CREB5: variants seen among roughly 807,000 people sequenced by gnomAD.
The protein encoded by CREB5 is cyclic AMP-responsive element-binding protein 5.
A neutral mutation model predicts 57.1 loss-of-function variants in CREB5; 19 were observed. The ratio of observed to expected loss-of-function variants is 0.33; its 90% CI spans 0.23 to 0.49. The LOEUF (loss-of-function observed/expected upper bound fraction) is 0.49. CREB5 is among the 20% of genes least tolerant of loss of function. The probability of loss-of-function intolerance (pLI) is 0.99; values close to 1 mark genes in which losing one functional copy is unlikely to be tolerated. For missense variants in CREB5, 579 were observed against 671.6 expected (o/e 0.86, Z 1.52); for synonymous variants, 238 against 238.3 (o/e 1.00, Z 0.01).
intron 4 of CREB5, 134 bp downstream of exon 4, chr7:28,507,871 T>A: frequency 9.0e-7 from 1 of 1,110,194 alleles, no homozygotes; most frequent in Non-Finnish European, 1.2e-6. Flanking sequence ...ATTTGTCTAA[T>A]TTTTTTTAAA....
chr7:28,638,695 G>T (rs1405050423), intron 5 of CREB5, among the ~76,000 whole-genome samples: 2 of 152,136 alleles, frequency 1.3e-5, no homozygotes, highest in Non-Finnish European at 2.9e-5. Context: ...CAATACAATT[G>T]ATATTATTAT....
chr7:28,397,743 T>C (rs1195462381), intron 1 of CREB5, among the ~76,000 whole-genome samples: 1 of 152,160 alleles, frequency 6.6e-6, no homozygotes, highest in African/African-American at 2.4e-5. Flanking sequence ...CTAAACGTGA[T>C]GACTATGAAC....
At chr7:28,445,761 C>G (rs771892757) in intron 1 of CREB5, among the ~76,000 whole-genome samples, 7 of 151,698 alleles carry the variant, frequency 4.6e-5, no homozygotes, top group Non-Finnish European at 7.4e-5. Context: ...CTGTGTTAGC[C>G]AGGATGATCT....
chr7:28,537,204 A>G (rs769325551), intron 4 of CREB5, among the ~76,000 whole-genome samples: 1 of 152,236 alleles, frequency 6.6e-6, no homozygotes, highest in Non-Finnish European at 1.5e-5. Context: ...TTTGAGAAAT[A>G]TGACATGATG....
At chr7:28,675,438 C>T (rs1221590388) in intron 5 of CREB5, among the ~76,000 whole-genome samples, 1 of 152,064 alleles carries the variant, frequency 6.6e-6, no homozygotes, top group Non-Finnish European at 1.5e-5. Context: ...CCTGCGTTAT[C>T]AGTATATGAA....
At chr7:28,757,702 A>C (rs1027440729) in intron 7 of CREB5, among the ~76,000 whole-genome samples, 6 of 151,954 alleles carry the variant, frequency 3.9e-5, no homozygotes. Flanking sequence ...AATAGTATGA[A>C]TTGTGGTAGT....
chr7:28,521,238 A>T (rs1793194731), intron 4 of CREB5, among the ~76,000 whole-genome samples: 1 of 152,226 alleles, frequency 6.6e-6, no homozygotes, highest in South Asian at 2.1e-4. Flanking sequence ...AACAGGAAAC[A>T]TCTCAATTAG....
At chr7:28,368,366 C>T (rs897568709) in intron 1 of CREB5, among the ~76,000 whole-genome samples, 3 of 151,878 alleles carry the variant, frequency 2.0e-5, no homozygotes, top group African/African-American at 7.3e-5. Flanking sequence ...CCACCTGTAC[C>T]CCTAAAGCTA....
In CREB5 at chr7:28,737,574, TATATATATA is replaced by T. The variant is rs1804092903; in HGVS notation, c.702+13243_702+13251del. 2.0e-4 allele frequency among the ~76,000 whole-genome samples: 7 copies of T among 34,206 alleles called. 1 individual carries two copies. The highest frequency in any genetic ancestry group is 6.1e-4 in the African/African-American group (7 of 11,468). 22.4% of individuals were successfully genotyped at this position (34,206 alleles called of 152,430 possible). On this transcript the variant is annotated intron_variant, in intron 7 of 10. Coordinates refer to ENST00000357727, the MANE Select transcript of CREB5 (RefSeq NM_182898.4). ...ATATATATATATATATATATATATATATATATATATATATTTTTAACTCCTGTTTCAAAG... is the reference window on the plus strand; with the variant it reads ...ATATATATATATATATATATATATATTATATTTTTAACTCCTGTTTCAAAG...
At chr7:28,339,163 A>G (rs1222904766) in intron 1 of CREB5, among the ~76,000 whole-genome samples, 2 of 151,994 alleles carry the variant, frequency 1.3e-5, no homozygotes, top group Non-Finnish European at 2.9e-5. Context: ...GTTTTCCTGA[A>G]TGGTCTTGAT....
At chr7:28,461,081 G>T (rs996769003) in intron 1 of CREB5, among the ~76,000 whole-genome samples, 1 of 150,300 alleles carries the variant, frequency 6.7e-6, no homozygotes, top group African/African-American at 2.4e-5. Flanking sequence ...AAACTTATCA[G>T]GTTTGGTGGT....
intron 1 of CREB5, among the ~76,000 whole-genome samples, chr7:28,322,482 G>T (rs1785510638): frequency 6.6e-6 from 1 of 152,032 alleles, no homozygotes; most frequent in Non-Finnish European, 1.5e-5. Context: ...TGAACATGCA[G>T]ATTTGTTACA....
intron 1 of CREB5, among the ~76,000 whole-genome samples, chr7:28,424,834 A>G (rs1435734712): frequency 1.3e-5 from 2 of 152,218 alleles, no homozygotes; most frequent in African/African-American, 4.8e-5. Context: ...GGAAGGAAAA[A>G]AATTCTGATT....
intron 4 of CREB5, among the ~76,000 whole-genome samples, chr7:28,564,998 G>C (rs1364950000): frequency 3.3e-5 from 5 of 152,190 alleles, no homozygotes; most frequent in Non-Finnish European, 5.9e-5. Flanking sequence ...CTCCTTTAAT[G>C]ATGAGACTAC....
chr7:28,585,026 G>A (rs987690128), intron 5 of CREB5, among the ~76,000 whole-genome samples: 1 of 152,174 alleles, frequency 6.6e-6, no homozygotes. Flanking sequence ...TTCTATGAAA[G>A]ATCTTAGTAG....
chr7:28,641,541 C>T (rs1322258723), intron 5 of CREB5, among the ~76,000 whole-genome samples: 2 of 152,136 alleles, frequency 1.3e-5, no homozygotes, highest in African/African-American at 4.8e-5. Flanking sequence ...TCTGCCGAAG[C>T]GTACCCTCCT....
chr7:28,313,781 A>G (rs1175644710), intron 1 of CREB5, among the ~76,000 whole-genome samples: 1 of 152,230 alleles, frequency 6.6e-6, no homozygotes, highest in Non-Finnish European at 1.5e-5. Context: ...TCAGCAACGA[A>G]ATGCATATTT....
chr7:28,496,650 C>G (rs960674234), intron 3 of CREB5, among the ~76,000 whole-genome samples: 3 of 152,142 alleles, frequency 2.0e-5, no homozygotes, highest in Non-Finnish European at 2.9e-5. Flanking sequence ...CAGATTCTCC[C>G]AATACTCCCG....
chr7:28,482,297 A>G (rs1416623107), intron 1 of CREB5, among the ~76,000 whole-genome samples: 1 of 152,232 alleles, frequency 6.6e-6, no homozygotes, highest in East Asian at 1.9e-4. Flanking sequence ...TTTGAAGAAA[A>G]TAAATCGAGA....
Sources: gnomAD v4.1 joint callset for allele counts (sites outside exome capture counted in the v4.1 genomes callset) on GRCh38, gnomAD v4.1.1 for gene constraint, MANE v1.5 for transcripts, NCBI Gene and HGNC (gene_info 2026-07-23, HGNC 2026-07-21) for gene names.